Variants in NRCAM observed in about 807,000 individuals in gnomAD.
NRCAM encodes the protein NgCAM-related cell adhesion molecule.
In NRCAM, 83 loss-of-function variants were observed where a neutral mutation model predicts 156.5. The observed-to-expected ratio is 0.53, with a 90% confidence interval of 0.44 to 0.64. NRCAM has a LOEUF of 0.64. Ranked by LOEUF, NRCAM falls within the 30% of genes least tolerant of loss-of-function variation. The probability of loss-of-function intolerance (pLI) is 0.00; values close to 1 mark genes in which losing one functional copy is unlikely to be tolerated. For synonymous variants in NRCAM, 538 were observed against 563.9 expected (o/e 0.95, Z 0.65); for missense variants, 1,417 against 1,597.3 (o/e 0.89, Z 1.92).
intron 30 of NRCAM, among the ~76,000 whole-genome samples, chr7:108,166,250 T>C (rs1489752855): frequency 1.1e-5 from 1 of 92,234 alleles, no homozygotes; most frequent in Non-Finnish European, 1.8e-5. Context: ...TTTCTTTTCT[T>C]TTTTTTTTTT....
At chr7:108,418,064 T>A (rs140198370) in intron 1 of NRCAM, among the ~76,000 whole-genome samples, 2,077 of 152,182 alleles carry the variant, frequency 0.014, 22 homozygotes, top group Non-Finnish European at 0.02. Flanking sequence ...TGCTCTTACA[T>A]CATGCCCACA....
chr7:108,194,297 C>T lies in NRCAM; in HGVS notation c.1595G>A (p.Gly532Glu), dbSNP rs2073736324. Reference sequence around the variant, plus strand: ...TAAGTGAACTTCATTCTTCGCCATCCCTAATTTATTCCTTGCAACACACGT... The same window carrying T: ...TAAGTGAACTTCATTCTTCGCCATCTCTAATTTATTCCTTGCAACACACGT... The part of the protein sequence containing the change: ...TYTCVARNKL[G>E]MAKNEVHLEI... Residue 532 changes from glycine (G) to glutamate (E), a missense_variant, in exon 16 of 33, where the codon GGG (glycine) becomes GAG (glutamate). Transcript: ENST00000379028. 11 of 1,612,792 alleles carry T rather than the reference C, an allele frequency of 6.8e-6. No homozygotes were observed. Among genetic ancestry groups the T allele is most frequent in the Non-Finnish European group, 9.3e-6 (11 of 1,179,052 alleles).
At position 108,348,888 on chromosome 7, in the gene NRCAM, G is replaced by C. The variant is rs375437682; in HGVS notation, c.-173-36157C>G. ...ACTGCACTCTAGCCTGGGTGACAGA[G>C]TGAGACTCCATCTCAGGAAAAAAAA... On this transcript the variant is annotated intron_variant, in intron 2 of 32. Transcript: ENST00000379028. 2.6e-3 allele frequency among the ~76,000 whole-genome samples: 366 copies of C among 140,616 alleles called. 4 individuals are homozygous for C. The highest frequency in any genetic ancestry group is 9.5e-3 in the African/African-American group (355 of 37,202). The allele number at this position is 140,616 out of a possible 152,430, so 92.2% of individuals were successfully genotyped here.
Position 108,208,356 on chromosome 7 carries a change from TA to T in NRCAM, c.1076-698del, listed in dbSNP as rs568239936. The stretch of plus-strand genomic sequence containing the variant: ...AATTCTGAGCCCTGTAGAATATATA[TA>T]ATTAGGAAGCAACTTAAAAACATCA... On this transcript the variant is annotated intron_variant, in intron 12 of 32. Coordinates refer to ENST00000379028, the MANE Select transcript of NRCAM (RefSeq NM_001037132.4). Among the ~76,000 whole-genome samples the T allele has an allele frequency of 2.2e-4, 33 of 152,142 alleles. No individual in the cohort carries two copies. The East Asian group carries it at 5.4e-3, about 25-fold the overall frequency.
intron 2 of NRCAM, among the ~76,000 whole-genome samples, chr7:108,342,693 G>T (rs1023252024): frequency 3.3e-5 from 5 of 152,202 alleles, no homozygotes. Flanking sequence ...TGCAACCCAT[G>T]GCATACCTGA....
chr7:108,390,019 T>C (rs1358386518), intron 2 of NRCAM, among the ~76,000 whole-genome samples: 1 of 152,176 alleles, frequency 6.6e-6, no homozygotes, highest in African/African-American at 2.4e-5. Context: ...AAAATTCTCT[T>C]TTTTGTTATG....
In NRCAM at chr7:108,405,955, A is replaced by ATTT. The variant is rs10643404; in HGVS notation, c.-331-6365_-331-6363dup. Among the ~76,000 whole-genome samples, 388 of 128,176 alleles carry ATTT rather than the reference A, an allele frequency of 3.0e-3. 1 individual carries two copies. Among genetic ancestry groups the ATTT allele is most frequent in the Non-Finnish European group, 4.8e-3 (274 of 57,518 alleles). 84.1% of individuals were successfully genotyped at this position (128,176 alleles called of 152,430 possible). A position where few individuals can be genotyped will look rare whatever the true frequency, so the allele number is the denominator to read the frequency against. On this transcript the variant is annotated intron_variant, in intron 1 of 32. Transcript: ENST00000379028. ...GCAACATAGTGAGAATGCCTCTACA[A>ATTT]TTTTTTTTTTTTTTTAATTTAAAAA...
chr7:108,275,778 T>C (rs1255619365), intron 3 of NRCAM, among the ~76,000 whole-genome samples: 1 of 152,208 alleles, frequency 6.6e-6, no homozygotes, highest in African/African-American at 2.4e-5. Flanking sequence ...TCTGCTAGCT[T>C]TTGAATTTGT....
At chr7:108,226,681 T>G (rs1319623204) in intron 8 of NRCAM, among the ~76,000 whole-genome samples, 4 of 152,186 alleles carry the variant, frequency 2.6e-5, no homozygotes, top group African/African-American at 7.2e-5. Flanking sequence ...TTATAAAAAG[T>G]TGGCGTGACT....
chr7:108,311,729 ATTTCC>A (rs1472653687), intron 3 of NRCAM, among the ~76,000 whole-genome samples: 1 of 152,236 alleles, frequency 6.6e-6, no homozygotes, highest in Non-Finnish European at 1.5e-5. Flanking sequence ...GGCATGAATC[ATTTCC>A]TTTCAATTAC....
chr7:108,381,246 C>A (rs1184310647), intron 2 of NRCAM, among the ~76,000 whole-genome samples: 1 of 152,156 alleles, frequency 6.6e-6, no homozygotes. Flanking sequence ...CATTTTTCTT[C>A]ATTTTTCCCA....
At chr7:108,305,416 G>GT (rs879396483) in intron 3 of NRCAM, among the ~76,000 whole-genome samples, 4 of 151,852 alleles carry the variant, frequency 2.6e-5, no homozygotes, top group Non-Finnish European at 4.4e-5. Context: ...TCAGTTTTTT[G>GT]TTTTTTTGTT....
Position 108,225,719 on chromosome 7 carries a change from T to C in NRCAM, c.722-18A>G, listed in dbSNP as rs750350939. 4.5e-6 allele frequency: 7 copies of C among 1,538,752 alleles called. No homozygotes were observed. Among genetic ancestry groups the C allele is most frequent in the Non-Finnish European group, 6.3e-6 (7 of 1,111,696 alleles). ...TTCATCCACTGAAATAAACAGAATA[T>C]TATGAAGAGGGCATAAAAGTGGGGG... On this transcript the variant is annotated intron_variant, in intron 9 of 32. Transcript: ENST00000379028.
chr7:108,327,538 T>C (rs1001349469), intron 2 of NRCAM, among the ~76,000 whole-genome samples: 6 of 152,152 alleles, frequency 3.9e-5, no homozygotes, highest in African/African-American at 1.2e-4. Context: ...TGCAAAACTT[T>C]GGTTTCAAGA....
chr7:108,299,108 A>AGAAAAGAAAGAAAGAAAG lies in NRCAM; in HGVS notation c.-107+13556_-107+13557insCTTTCTTTCTTTCTTTTC, dbSNP rs1371407131. 1.7e-4 allele frequency among the ~76,000 whole-genome samples: 14 copies of AGAAAAGAAAGAAAGAAAG among 82,240 alleles called. 2 individuals carry two copies. Among genetic ancestry groups the AGAAAAGAAAGAAAGAAAG allele is most frequent in the African/African-American group, 6.8e-4 (14 of 20,664 alleles). 54.0% of individuals were successfully genotyped at this position (82,240 alleles called of 152,430 possible). ...GCCACAGAGCAAGACTCCATCTCAA[A>AGAAAAGAAAGAAAGAAAG]AAAAAAAAAGAAAGAAAGAAAGAAA... On this transcript the variant is annotated intron_variant, in intron 3 of 32. Transcript: ENST00000379028.
At chr7:108,317,402 A>G (rs2098940484) in intron 2 of NRCAM, among the ~76,000 whole-genome samples, 1 of 152,136 alleles carries the variant, frequency 6.6e-6, no homozygotes, top group Non-Finnish European at 1.5e-5. Flanking sequence ...GTATTAAATA[A>G]CTCCTTAGTA....
chr7:108,385,772 T>C (rs548842996), intron 2 of NRCAM, among the ~76,000 whole-genome samples: 2 of 152,230 alleles, frequency 1.3e-5, no homozygotes, highest in South Asian at 4.1e-4. Context: ...AATTGCGTAT[T>C]TGAATGGAAT....
chr7:108,455,140 G>A (rs975037184), intron 1 of NRCAM, among the ~76,000 whole-genome samples: 2 of 152,164 alleles, frequency 1.3e-5, no homozygotes, highest in African/African-American at 4.8e-5. Flanking sequence ...AGCAGCGCTT[G>A]CGGCCCTGAG....
At chr7:108,390,514 A>T (rs1173868503) in intron 2 of NRCAM, among the ~76,000 whole-genome samples, 2 of 152,090 alleles carry the variant, frequency 1.3e-5, no homozygotes, top group Admixed American at 6.5e-5. Context: ...TGATTTTTTT[A>T]AAAAACCAGC....
Sources: allele counts gnomAD v4.1 joint callset (sites outside exome capture counted in the v4.1 genomes callset), GRCh38; gene constraint gnomAD v4.1.1; transcripts MANE v1.5; gene names NCBI Gene and HGNC (gene_info 2026-07-23, HGNC 2026-07-21).